KCNQ3: variants seen among roughly 807,000 people sequenced by gnomAD.
KCNQ3 encodes the protein potassium voltage-gated channel subfamily KQT member 3.
In KCNQ3, 30 loss-of-function variants were observed where a neutral mutation model predicts 92.5. That is an observed-to-expected ratio of 0.32 (90% confidence interval 0.24 to 0.44). KCNQ3 has a LOEUF of 0.44. KCNQ3 is among the 20% of genes least tolerant of loss of function. The pLI, the probability that KCNQ3 is intolerant of heterozygous loss-of-function variation, is 1.00. For synonymous variants in KCNQ3, 450 were observed against 468.8 expected (o/e 0.96, Z 0.52); for missense variants, 913 against 1,140.3 (o/e 0.80, Z 2.87).
chr8:132,237,619 A>C (rs983306004), intron 1 of KCNQ3, among the ~76,000 whole-genome samples: 1 of 152,168 alleles, frequency 6.6e-6, no homozygotes, highest in Non-Finnish European at 1.5e-5. Context: ...TCAGGCTGGC[A>C]GCACCCACGA....
intron 9 of KCNQ3, among the ~76,000 whole-genome samples, chr8:132,143,824 G>GGTTGTT (rs3837190): frequency 3.3e-5 from 5 of 151,726 alleles, no homozygotes; most frequent in Non-Finnish European, 5.9e-5. Context: ...AGGTTTTTTT[G>GGTTGTT]GTTGTTGTTG....
chr8:132,221,462 T>C, intron 1 of KCNQ3, among the ~76,000 whole-genome samples: 1 of 152,212 alleles, frequency 6.6e-6, no homozygotes, highest in East Asian at 1.9e-4. Flanking sequence ...TTTCTTCACA[T>C]CCTCTCCAGC....
chr8:132,182,000 G>A (rs1247233320), intron 3 of KCNQ3, among the ~76,000 whole-genome samples: 2 of 150,112 alleles, frequency 1.3e-5, no homozygotes, highest in East Asian at 2.0e-4. Flanking sequence ...AGCCGAGATC[G>A]TGCCACTGCA....
In KCNQ3 at chr8:132,137,853, G is replaced by A. The variant is rs765797913; in HGVS notation, c.1700+32C>T. 2.5e-6 allele frequency: 4 copies of A among 1,612,702 alleles called. No individual in the cohort carries two copies. The South Asian group carries it at 3.3e-5, about 13-fold the overall frequency. On this transcript the variant is annotated intron_variant, in intron 12 of 14. Transcript: ENST00000388996. ...TCTAAGGTTCATAGGGCTTTGAGGG[G>A]AGCGCAGTCCCTCCAGATGTGACTG...
intron 1 of KCNQ3, among the ~76,000 whole-genome samples, chr8:132,330,163 G>A (rs77508971): frequency 0.013 from 2,052 of 152,338 alleles, 27 homozygotes; most frequent in Non-Finnish European, 0.021. Flanking sequence ...GGAGACTGCA[G>A]TGATATGGCC....
chr8:132,187,790 C>T lies in KCNQ3; in HGVS notation c.387-1609G>A, dbSNP rs867105527. 4.9e-3 allele frequency among the ~76,000 whole-genome samples: 391 copies of T among 80,342 alleles called. 8 individuals carry two copies. Among genetic ancestry groups the T allele is most frequent in the East Asian group, 9.5e-3 (28 of 2,952 alleles). The allele number at this position is 80,342 out of a possible 152,430, so 52.7% of individuals were successfully genotyped here. On this transcript the variant is annotated intron_variant, in intron 1 of 14. Transcript: ENST00000388996. ...GTGGTAGTGATAGTGATGGTGGTGG[C>T]GGTGGTGGTGATAGTGATGGTGGTG... is the stretch of plus-strand genomic sequence containing the variant.
intron 1 of KCNQ3, among the ~76,000 whole-genome samples, chr8:132,310,849 A>C (rs1339436577): frequency 2.0e-5 from 3 of 152,140 alleles, no homozygotes; most frequent in Non-Finnish European, 4.4e-5. Flanking sequence ...GGTTTATTAA[A>C]GTGATGGGTT....
At chr8:132,168,163 T>C (rs1177627319) in intron 8 of KCNQ3, among the ~76,000 whole-genome samples, 1 of 152,210 alleles carries the variant, frequency 6.6e-6, no homozygotes, top group African/African-American at 2.4e-5. Flanking sequence ...GTCCTCCTTC[T>C]ACTCCCCCTT....
intron 1 of KCNQ3, among the ~76,000 whole-genome samples, chr8:132,362,070 G>T (rs1297634623): frequency 1.3e-5 from 2 of 152,008 alleles, no homozygotes; most frequent in African/African-American, 4.8e-5. Flanking sequence ...CTTGAACAAA[G>T]AAAAAAACAT....
chr8:132,432,895 C>T (rs1821289751), intron 1 of KCNQ3, among the ~76,000 whole-genome samples: 1 of 152,156 alleles, frequency 6.6e-6, no homozygotes, highest in Admixed American at 6.5e-5. Context: ...ACAAATGCCC[C>T]AGTTCATGCT....
chr8:132,242,457 G>C (rs1270278238), intron 1 of KCNQ3, among the ~76,000 whole-genome samples: 1 of 152,062 alleles, frequency 6.6e-6, no homozygotes, highest in Admixed American at 6.6e-5. Flanking sequence ...ACCTGCCCAG[G>C]GTCACACAAC....
intron 13 of KCNQ3, 33 bp downstream of exon 13, chr8:132,134,257 C>T: frequency 6.5e-7 from 1 of 1,547,594 alleles, no homozygotes; most frequent in Non-Finnish European, 8.9e-7. Context: ...ACTTTGCACC[C>T]CTGGCCCATC....
intron 1 of KCNQ3, among the ~76,000 whole-genome samples, chr8:132,192,085 G>A (rs907415949): frequency 6.6e-6 from 1 of 152,150 alleles, no homozygotes; most frequent in Non-Finnish European, 1.5e-5. Context: ...TTCAGCTCTC[G>A]TTGTCTGCTT....
At chr8:132,272,379 C>A (rs1264667170) in intron 1 of KCNQ3, among the ~76,000 whole-genome samples, 3 of 152,198 alleles carry the variant, frequency 2.0e-5, no homozygotes, top group African/African-American at 7.2e-5. Flanking sequence ...GCCAAAGCTA[C>A]CCTTTCTGTA....
intron 1 of KCNQ3, among the ~76,000 whole-genome samples, chr8:132,412,914 G>T (rs531259271): frequency 6.6e-6 from 1 of 152,144 alleles, no homozygotes; most frequent in Admixed American, 6.5e-5. Context: ...GCAAGTGACC[G>T]GGGAGGCAGC....
In KCNQ3 at chr8:132,129,433, A is replaced by G. The variant is rs778602124; in HGVS notation, c.2448T>C (p.Tyr816=). 1.9e-6 allele frequency: 3 copies of G among 1,614,188 alleles called. No homozygotes were observed. The highest frequency in any genetic ancestry group is 4.5e-5 in the East Asian group (2 of 44,860). The change falls in exon 15 of 15, where the codon TAT becomes TAC. Residue 816 remains tyrosine, a synonymous_variant. Transcript: ENST00000388996. This position sits in a 1 kb window ranked among gnomAD's most constrained non-coding sequence, Gnocchi z 5.9. ...GFSISQDRDD[Y]VFGPNGGSSW... is the part of the protein sequence containing the mutation. ...TCGACCCCCCATTGGGGCCGAACAC[A>G]TAATCATCTCTGTCCTGGGAGATGC...
intron 1 of KCNQ3, among the ~76,000 whole-genome samples, chr8:132,302,458 C>T (rs1365434613): frequency 6.6e-6 from 1 of 152,196 alleles, no homozygotes; most frequent in East Asian, 1.9e-4. Context: ...ATATGATCCA[C>T]CTCGCCCCTG....
intron 1 of KCNQ3, among the ~76,000 whole-genome samples, chr8:132,430,565 G>A (rs113278721): frequency 0.015 from 2,237 of 152,228 alleles, 56 homozygotes; most frequent in African/African-American, 0.05. Context: ...GGGCCTTCCC[G>A]ACTGTCCTAG....
chr8:132,290,938 C>T lies in KCNQ3; in HGVS notation c.387-104757G>A, dbSNP rs553701116. Among the ~76,000 whole-genome samples the T allele has an allele frequency of 1.9e-4, 29 of 152,184 alleles. 1 individual carries two copies. In the South Asian group the frequency reaches 5.8e-3, roughly 31 times the overall value. On this transcript the variant is annotated intron_variant, in intron 1 of 14. Coordinates refer to ENST00000388996, the MANE Select transcript of KCNQ3 (RefSeq NM_004519.4). ...GCACCCTCAGATGATAAGGGACCAA[C>T]AGTTAGAGAGGAAGAAAACCAGGAG...
Sources: allele counts gnomAD v4.1 joint callset (sites outside exome capture counted in the v4.1 genomes callset), GRCh38; gene constraint gnomAD v4.1.1; non-coding constraint Gnocchi (gnomAD v3.1); transcripts MANE v1.5; gene names NCBI Gene and HGNC (gene_info 2026-07-23, HGNC 2026-07-21).